The following HERC2 variants were observed in gnomAD, a reference collection of about 807,000 sequenced individuals.
HERC2 encodes E3 ubiquitin-protein ligase HERC2.
A neutral mutation model predicts 537.7 loss-of-function variants in HERC2; 102 were observed. The observed-to-expected ratio is 0.19, with a 90% CI of 0.16 to 0.22. The LOEUF (loss-of-function observed/expected upper bound fraction) is 0.22. HERC2 is among the 10% of genes least tolerant of loss of function. HERC2 has a pLI of 1.00. For missense variants in HERC2, 4,236 were observed against 6,198.2 expected, an observed-to-expected ratio of 0.68 and a Z score of 10.63; for synonymous variants, 2,224 against 2,466.2, an observed-to-expected ratio of 0.90 and a Z score of 2.91.
rs146332822 is a variant in HERC2 at position 28,111,796 on chromosome 15, C to T, written c.14472G>A (p.Ser4824=). 94 of 1,614,044 alleles carry T rather than the reference C, an allele frequency of 5.8e-5. No homozygotes were observed. In the Admixed American group the frequency reaches 1.2e-3, roughly 21 times the overall value. ...CTGTTAAATAATCTTGTGTAGAGTC[C>T]GAAGCAAAGGAGTCGACATCCTCGT... ...SDNEDVDSFA[S]DSTQDYLTGH Residue 4824 remains serine (S), a synonymous_variant, in exon 93 of 93, where the codon TCG becomes TCA. Transcript: ENST00000261609.
intron 12 of HERC2, among the ~76,000 whole-genome samples, chr15:28,266,733 G>C (rs1355186639): frequency 6.6e-6 from 1 of 152,124 alleles, no homozygotes; most frequent in African/African-American, 2.4e-5. Flanking sequence ...TAACAACAGA[G>C]GGCAGATCAG....
intron 69 of HERC2, among the ~76,000 whole-genome samples, chr15:28,154,918 C>T (rs1351817929): frequency 9.3e-6 from 1 of 107,660 alleles, no homozygotes; most frequent in African/African-American, 3.8e-5. Context: ...CTCCCCCCTC[C>T]CCCCACCCCA....
At chr15:28,252,631 C>A (rs553929826) in intron 20 of HERC2, among the ~76,000 whole-genome samples, 1 of 152,130 alleles carries the variant, frequency 6.6e-6, no homozygotes, top group Non-Finnish European at 1.5e-5. Flanking sequence ...GCTGTTGCAA[C>A]TGAAATTTTA....
intron 23 of HERC2, among the ~76,000 whole-genome samples, chr15:28,244,678 C>T (rs1903482990): frequency 6.6e-6 from 1 of 152,022 alleles, no homozygotes; most frequent in Non-Finnish European, 1.5e-5. Flanking sequence ...AGTAGAGAGA[C>T]AAAATAACAC....
intron 44 of HERC2, among the ~76,000 whole-genome samples, chr15:28,208,592 T>C (rs1898746593): frequency 9.2e-5 from 14 of 152,120 alleles, no homozygotes; most frequent in Admixed American, 9.2e-4. Flanking sequence ...GTCTCCCAGG[T>C]ACTCTGTAAC....
At chr15:28,240,805 C>A (rs1031878004) in intron 23 of HERC2, among the ~76,000 whole-genome samples, 1 of 152,210 alleles carries the variant, frequency 6.6e-6, no homozygotes, top group Non-Finnish European at 1.5e-5. Context: ...AAAGAAGAGC[C>A]TTTTCAATGC....
intron 16 of HERC2, among the ~76,000 whole-genome samples, chr15:28,259,884 C>T (rs776415435): frequency 2.0e-5 from 3 of 148,478 alleles, no homozygotes; most frequent in Non-Finnish European, 4.4e-5. Flanking sequence ...AGGAGAATTG[C>T]GTGAACCCAG....
intron 22 of HERC2, 70 bp from the exon 23 acceptor site, chr15:28,246,136 TG>T: frequency 9.9e-7 from 1 of 1,012,592 alleles, no homozygotes; most frequent in South Asian, 1.7e-5. Flanking sequence ...ACTTGTTCTG[TG>T]TTTAAATTCT....
rs182247010 is a variant in HERC2, at chr15:28,316,931, C to T, written c.72+4431G>A. 4.3e-3 allele frequency among the ~76,000 whole-genome samples: 648 copies of T among 151,870 alleles called. 5 individuals carry two copies. The highest frequency in any genetic ancestry group is 0.015 in the African/African-American group (603 of 41,384). On this transcript the variant is annotated intron_variant, in intron 2 of 92. Coordinates refer to ENST00000261609, the MANE Select transcript of HERC2 (RefSeq NM_004667.6). ...AGCTGGGACTACAGGCACGTGCCACCACACCCAGCTAATTTTTGTATTTTT... is the reference window on the plus strand; with the variant it reads ...AGCTGGGACTACAGGCACGTGCCACTACACCCAGCTAATTTTTGTATTTTT...
intron 30 of HERC2, 128 bp downstream of exon 30, chr15:28,233,018 A>G (rs547297634): frequency 1.4e-6 from 1 of 696,218 alleles, no homozygotes; most frequent in African/African-American, 1.8e-5. Context: ...TGTAATAAAA[A>G]TGATGGCAGC....
chr15:28,144,942 G>C (rs370007504), intron 71 of HERC2, 138 bp from the exon 72 acceptor site: 41 of 1,038,114 alleles, frequency 3.9e-5, no homozygotes, highest in East Asian at 2.5e-4. Flanking sequence ...CCAAGCCGAA[G>C]TGCACAGTGA....
intron 2 of HERC2, among the ~76,000 whole-genome samples, chr15:28,310,669 T>C (rs1430895425): frequency 6.6e-6 from 1 of 151,998 alleles, no homozygotes; most frequent in African/African-American, 2.4e-5. Context: ...AACTCACAGC[T>C]CCATGTGGGC....
intron 56 of HERC2, among the ~76,000 whole-genome samples, chr15:28,184,323 G>C (rs1040832997): frequency 1.3e-5 from 2 of 152,166 alleles, no homozygotes; most frequent in African/African-American, 4.8e-5. Context: ...AGCCAGAGTG[G>C]AGGCCAGCTG....
chr15:28,284,882 A>G (rs1003544300), intron 4 of HERC2, among the ~76,000 whole-genome samples: 5 of 129,506 alleles, frequency 3.9e-5, no homozygotes, highest in African/African-American at 1.5e-4. Flanking sequence ...GTGCCACTTC[A>G]CTCCTGCCTG....
Position 28,124,179 on chromosome 15 carries a change from C to T in HERC2, c.13046G>A (p.Arg4349His), listed in dbSNP as rs1555401035. The T allele has an allele frequency of 2.6e-6, 4 of 1,567,538 alleles. No homozygotes were observed. Among genetic ancestry groups the T allele is most frequent in the South Asian group, 2.4e-5 (2 of 84,716 alleles). ...GGAGAGGTGGTGCAGCAGCAGCAGACGGTTCCTCAGCGCAATGATGGGGAT... is the reference window on the plus strand; with the variant it reads ...GGAGAGGTGGTGCAGCAGCAGCAGATGGTTCCTCAGCGCAATGATGGGGAT... The part of the protein sequence containing the change: ...QEIPIIALRN[R>H]LLLLHHLSEL... The change falls in exon 85 of 93, where the codon CGT becomes CAT. Residue 4349 changes from arginine to histidine, a missense_variant. Around this residue, in one of 27 missense-constraint regions of HERC2, gnomAD observed 189 missense variants for 255.7 expected, o/e 0.74. Transcript: ENST00000261609.
chr15:28,196,296 C>G lies in HERC2; in HGVS notation c.8179G>C (p.Asp2727His), dbSNP rs140671115. ...CACGTTTCACAAAAATCAAAGTCAT[C>G]ACAGTTTCTGCATTTGAATCTGGAT... ...NGSRFKCRNC[D>H]DFDFCETCFK... The change falls in exon 52 of 93, where the codon GAT (aspartate) becomes CAT (histidine). Residue 2727 changes from aspartate (D) to histidine (H), a missense_variant. By Grantham distance (81) the Asp-to-His change is moderately conservative. This residue lies in a region of HERC2 where 606 missense variants were observed against 884.5 expected (regional missense o/e 0.69). Coordinates refer to ENST00000261609, the MANE Select transcript of HERC2 (RefSeq NM_004667.6). 261 of 1,455,396 alleles carry G rather than the reference C, an allele frequency of 1.8e-4. No homozygotes were observed. The African/African-American group carries it at 3.3e-3, about 18-fold the overall frequency. 90.2% of individuals were successfully genotyped at this position (1,455,396 alleles called of 1,614,324 possible). A position where few individuals can be genotyped will look rare whatever the true frequency, so the allele number is the denominator to read the frequency against.
intron 72 of HERC2, 144 bp from the exon 73 acceptor site, chr15:28,144,379 C>T (rs1338601165): frequency 1.2e-5 from 10 of 829,446 alleles, no homozygotes; most frequent in South Asian, 5.3e-5. Context: ...CACTGCGAGT[C>T]GGTGAGACTC....
chr15:28,231,287 G>C, intron 30 of HERC2, among the ~76,000 whole-genome samples: 1 of 152,150 alleles, frequency 6.6e-6, no homozygotes, highest in African/African-American at 2.4e-5. Context: ...CTTCAGGATT[G>C]GTCCTTCTTC....
rs75311985 is a variant in HERC2, at chr15:28,192,126, A to G, written c.8286T>C (p.Arg2762=). ...EPGQSAVFCG[R]SGKQLKRCHS... is the part of the protein sequence containing the mutation. ...GGCAACGCTTCAGCTGTTTTCCAGA[A>G]CGGCCACAAAATACCGCAGACTGAC... is the stretch of plus-strand genomic sequence containing the variant. The change falls in exon 53 of 93, where the codon CGT becomes CGC. Residue 2762 remains arginine, a synonymous_variant. Transcript: ENST00000261609. 1 of 1,613,780 alleles carries G rather than the reference A, an allele frequency of 6.2e-7. No individual in the cohort carries two copies. Among genetic ancestry groups the G allele is most frequent in the South Asian group, 1.1e-5 (1 of 91,078 alleles).
Sources: gnomAD v4.1 joint callset for allele counts (sites outside exome capture counted in the v4.1 genomes callset) on GRCh38, gnomAD v4.1.1 for gene constraint, gnomAD v4.1.1 regional missense constraint, MANE v1.5 for transcripts, NCBI Gene and HGNC (gene_info 2026-07-23, HGNC 2026-07-21) for gene names.